SCLT1: variants seen among roughly 807,000 people sequenced by gnomAD.
The protein encoded by SCLT1 is sodium channel-associated protein 1.
A neutral mutation model predicts 112.8 loss-of-function variants in SCLT1; 78 were observed. That is an observed-to-expected ratio of 0.69 (90% CI 0.58 to 0.83). The LOEUF (loss-of-function observed/expected upper bound fraction) is 0.83. Among genes scored for constraint, SCLT1 ranks in the 40% least tolerant of loss-of-function variants. The probability of loss-of-function intolerance (pLI) is 0.00; values close to 1 mark genes in which losing one functional copy is unlikely to be tolerated. For missense variants in SCLT1, 747 were observed against 770.4 expected, an observed-to-expected ratio of 0.97 and a Z score of 0.36; for synonymous variants, 257 against 254.7, an observed-to-expected ratio of 1.01 and a Z score of -0.09.
chr4:128,911,331 T>TA (rs1735080721), intron 18 of SCLT1, among the ~76,000 whole-genome samples: 1 of 152,184 alleles, frequency 6.6e-6, no homozygotes, highest in Admixed American at 6.5e-5. Flanking sequence ...GATTAGTACA[T>TA]ATATACTGCA....
intron 5 of SCLT1, among the ~76,000 whole-genome samples, chr4:129,006,382 A>G (rs1042064369): frequency 2.0e-5 from 3 of 151,946 alleles, no homozygotes; most frequent in African/African-American, 7.3e-5. Flanking sequence ...TACTAAAAAT[A>G]CAAAAATTAG....
chr4:128,998,904 C>T (rs1743229318), intron 7 of SCLT1, among the ~76,000 whole-genome samples: 1 of 151,572 alleles, frequency 6.6e-6, no homozygotes, highest in Non-Finnish European at 1.5e-5. Context: ...GTATGAAAAC[C>T]AACTTATTTA....
intron 14 of SCLT1, 84 bp from the exon 15 acceptor site, chr4:128,948,654 G>T: frequency 2.0e-6 from 2 of 980,594 alleles, no homozygotes; most frequent in Non-Finnish European, 3.1e-6. Flanking sequence ...TGTTCATAAT[G>T]GGAATATCAT....
At chr4:128,909,204 C>T (rs769401527) in intron 18 of SCLT1, among the ~76,000 whole-genome samples, 3 of 152,116 alleles carry the variant, frequency 2.0e-5, no homozygotes, top group Non-Finnish European at 2.9e-5. Context: ...ACCTGGTCTA[C>T]CACCCTCAGA....
intron 2 of SCLT1, among the ~76,000 whole-genome samples, chr4:129,071,724 T>C (rs1388856205): frequency 6.6e-6 from 1 of 152,146 alleles, no homozygotes. Context: ...AGGCAGCAGA[T>C]AGTTGGTTGG....
At chr4:128,945,113 G>A (rs1422793399) in intron 16 of SCLT1, among the ~76,000 whole-genome samples, 5 of 152,072 alleles carry the variant, frequency 3.3e-5, no homozygotes, top group African/African-American at 4.8e-5. Flanking sequence ...ACACAAAGAA[G>A]ACTTCGATAT....
intron 1 of SCLT1, among the ~76,000 whole-genome samples, chr4:129,092,692 C>T (rs533576910): frequency 6.6e-6 from 1 of 152,182 alleles, no homozygotes; most frequent in Non-Finnish European, 1.5e-5. Flanking sequence ...TCCATAGTGT[C>T]TGGTACATAA....
intron 18 of SCLT1, among the ~76,000 whole-genome samples, chr4:128,896,951 A>C (rs908723861): frequency 2.0e-4 from 30 of 152,194 alleles, no homozygotes; most frequent in African/African-American, 7.0e-4. Context: ...GAATGAAATG[A>C]AGTGAGAAGA....
At chr4:129,002,448 T>C (rs113566004) in intron 6 of SCLT1, among the ~76,000 whole-genome samples, 16 of 152,164 alleles carry the variant, frequency 1.1e-4, no homozygotes, top group Admixed American at 3.9e-4. Flanking sequence ...TAGAAAAATA[T>C]AGTACTCTTA....
intron 9 of SCLT1, among the ~76,000 whole-genome samples, chr4:128,979,732 A>G (rs1024647139): frequency 2.6e-5 from 4 of 152,216 alleles, no homozygotes; most frequent in African/African-American, 9.6e-5. Context: ...TCTGCAAAAG[A>G]AAGTTATAAA....
intron 9 of SCLT1, among the ~76,000 whole-genome samples, chr4:128,979,501 A>G (rs1481110571): frequency 6.6e-6 from 1 of 152,082 alleles, no homozygotes; most frequent in East Asian, 1.9e-4. Context: ...CAAATCTGCC[A>G]TTTTCTTAAT....
intron 9 of SCLT1, among the ~76,000 whole-genome samples, chr4:128,986,191 T>C (rs1742078462): frequency 6.6e-6 from 1 of 152,004 alleles, no homozygotes; most frequent in Non-Finnish European, 1.5e-5. Context: ...GAAGTAAGTG[T>C]TGAACTTTGC....
At chr4:129,072,060 T>C (rs985716017) in intron 2 of SCLT1, among the ~76,000 whole-genome samples, 2 of 152,150 alleles carry the variant, frequency 1.3e-5, no homozygotes, top group Non-Finnish European at 1.5e-5. Flanking sequence ...GACTGTATCT[T>C]TCCTTGATAT....
intron 4 of SCLT1, chr4:129,040,209 A>G: frequency 1.4e-6 from 1 of 702,716 alleles, no homozygotes. Context: ...GGTCCTCGTT[A>G]TGCCTGAAAC....
At chr4:128,904,290 C>T (rs899286538) in intron 18 of SCLT1, among the ~76,000 whole-genome samples, 7 of 152,062 alleles carry the variant, frequency 4.6e-5, no homozygotes, top group South Asian at 2.1e-4. Flanking sequence ...GTGTCTCATA[C>T]GTTTTTAGTT....
chr4:129,021,486 T>C (rs543136835), intron 5 of SCLT1, among the ~76,000 whole-genome samples: 46 of 152,268 alleles, frequency 3.0e-4, no homozygotes, highest in African/African-American at 1.1e-3. Flanking sequence ...CCACCTGATA[T>C]GATCAAGCTT....
chr4:129,019,304 C>A (rs1031459590), intron 5 of SCLT1, among the ~76,000 whole-genome samples: 1 of 152,100 alleles, frequency 6.6e-6, no homozygotes, highest in Non-Finnish European at 1.5e-5. Flanking sequence ...TTTTAGGTGA[C>A]AAAGATGAAT....
Position 129,042,787 on chromosome 4 carries a change from C to T in SCLT1, c.234+608G>A, listed in dbSNP as rs1184658330. 3.9e-5 allele frequency among the ~76,000 whole-genome samples: 6 copies of T among 152,150 alleles called. 1 individual carries two copies. The Middle Eastern group carries it at 0.01, about 259-fold the overall frequency. On this transcript the variant is annotated intron_variant, in intron 4 of 20. Coordinates refer to ENST00000281142, the MANE Select transcript of SCLT1 (RefSeq NM_144643.4). ...CTTCAGCCTTCTGAGTAGCTAGGAC[C>T]ACAGGTGCACACCACCACACCCAGC... is the stretch of plus-strand genomic sequence containing the variant.
chr4:128,906,435 T>C (rs1195844630), intron 18 of SCLT1, among the ~76,000 whole-genome samples: 3 of 152,158 alleles, frequency 2.0e-5, no homozygotes, highest in African/African-American at 7.2e-5. Flanking sequence ...CCTGACCTCG[T>C]GATCCGCCCG....
Sources: gnomAD v4.1 joint callset for allele counts (sites outside exome capture counted in the v4.1 genomes callset) on GRCh38, gnomAD v4.1.1 for gene constraint, MANE v1.5 for transcripts, NCBI Gene and HGNC (gene_info 2026-07-23, HGNC 2026-07-21) for gene names.